The following KSR2 variants were observed in gnomAD, a reference collection of about 807,000 sequenced individuals.
KSR2 encodes the protein kinase suppressor of ras 2.
A neutral mutation model predicts 107.8 loss-of-function variants in KSR2; 25 were observed. The observed-to-expected ratio is 0.23, with a 90% CI of 0.17 to 0.32. KSR2 has a LOEUF of 0.32. Ranked by LOEUF, KSR2 falls within the 10% of genes least tolerant of loss-of-function variation. The probability of loss-of-function intolerance (pLI) is 1.00; values close to 1 mark genes in which losing one functional copy is unlikely to be tolerated. For missense variants in KSR2, 887 were observed against 1,268.9 expected, an observed-to-expected ratio of 0.70 and a Z score of 4.57; for synonymous variants, 480 against 507.0, an observed-to-expected ratio of 0.95 and a Z score of 0.71.
In KSR2 at chr12:117,527,950, AGTGTGTGTGTGTGT is replaced by A. The variant is rs10664320; in HGVS notation, c.1803-845_1803-832del. 4.6e-3 allele frequency among the ~76,000 whole-genome samples: 653 copies of A among 142,702 alleles called. 8 individuals carry two copies. The highest frequency in any genetic ancestry group is 9.1e-3 in the East Asian group (42 of 4,610). The allele number at this position is 142,702 out of a possible 152,430, so 93.6% of individuals were successfully genotyped here. On this transcript the variant is annotated intron_variant, in intron 12 of 19. Transcript: ENST00000339824. Reference sequence around the variant, plus strand: ...AGACCATATTGAGCTGGAAGACACAAGTGTGTGTGTGTGTGTGTGTGTGTGTGTGTGTGTGTGTG... The same window carrying A: ...AGACCATATTGAGCTGGAAGACACAAGTGTGTGTGTGTGTGTGTGTGTGTG...
intron 3 of KSR2, among the ~76,000 whole-genome samples, chr12:117,794,387 GCA>G (rs578041855): frequency 0.028 from 925 of 32,520 alleles, 177 homozygotes; most frequent in Middle Eastern, 0.12. Context: ...ACACCAACAT[GCA>G]CACTCACACC....
intron 1 of KSR2, among the ~76,000 whole-genome samples, chr12:117,961,514 G>A (rs1896655097): frequency 4.6e-5 from 7 of 152,174 alleles, no homozygotes; most frequent in Admixed American, 3.3e-4. Flanking sequence ...TCCAGTGGAA[G>A]TAACATCCTG....
At chr12:117,666,325 T>A (rs1593109040) in intron 5 of KSR2, among the ~76,000 whole-genome samples, 1 of 152,214 alleles carries the variant, frequency 6.6e-6, no homozygotes, top group East Asian at 1.9e-4. Context: ...AATTAATAGA[T>A]CTTGTCAAAT....
In KSR2 at chr12:117,555,150, A is replaced by AG. The variant is rs1877577628; in HGVS notation, c.1518+18dup. 1 of 1,613,446 alleles carries AG rather than the reference A, an allele frequency of 6.2e-7. No individual in the cohort carries two copies. Among genetic ancestry groups the AG allele is most frequent in the Admixed American group, 1.7e-5 (1 of 59,992 alleles). Reference sequence around the variant, plus strand: ...GTGCCAGCCCCACATGCCGAGACCCAGGGGAAGCCCAGCCTTACCTTGTTG... The same window carrying AG: ...GTGCCAGCCCCACATGCCGAGACCCAGGGGGAAGCCCAGCCTTACCTTGTTG... On this transcript the variant is annotated intron_variant, in intron 9 of 19. Coordinates refer to ENST00000339824, the MANE Select transcript of KSR2 (RefSeq NM_173598.6).
intron 5 of KSR2, among the ~76,000 whole-genome samples, chr12:117,616,040 G>A (rs945167208): frequency 9.9e-5 from 15 of 151,822 alleles, no homozygotes; most frequent in African/African-American, 3.6e-4. Context: ...CATAGTCCCA[G>A]ATACTTGGGG....
chr12:117,517,263 C>T (rs1268607229), intron 14 of KSR2, among the ~76,000 whole-genome samples: 4 of 152,186 alleles, frequency 2.6e-5, no homozygotes, highest in Non-Finnish European at 5.9e-5. Context: ...CTACCATTAC[C>T]CTGACCAATA....
chr12:117,579,253 CTA>C, intron 6 of KSR2, 51 bp from the exon 7 acceptor site: 1 of 1,305,922 alleles, frequency 7.7e-7, no homozygotes. Context: ...GGCGACTGAC[CTA>C]TCTCTAGAGG....
intron 4 of KSR2, among the ~76,000 whole-genome samples, chr12:117,716,680 A>G (rs969267183): frequency 2.0e-5 from 3 of 152,184 alleles, no homozygotes; most frequent in African/African-American, 7.2e-5. Context: ...CCTATATTCT[A>G]TTCCCAGACT....
At chr12:117,630,032 G>A (rs1233965782) in intron 5 of KSR2, among the ~76,000 whole-genome samples, 1 of 152,192 alleles carries the variant, frequency 6.6e-6, no homozygotes, top group African/African-American at 2.4e-5. Context: ...AGTGGGTCAT[G>A]GGAGTGCTCA....
intron 7 of KSR2, among the ~76,000 whole-genome samples, chr12:117,573,153 A>G (rs571763357): frequency 6.6e-6 from 1 of 152,318 alleles, no homozygotes; most frequent in African/African-American, 2.4e-5. Context: ...ACAGCTAATG[A>G]TAATTCCGGA....
intron 7 of KSR2, among the ~76,000 whole-genome samples, chr12:117,571,321 AG>A (rs1190981969): frequency 1.3e-5 from 2 of 152,178 alleles, no homozygotes; most frequent in Non-Finnish European, 2.9e-5. Context: ...GGGAGAAGCC[AG>A]GCATGGATGT....
intron 3 of KSR2, among the ~76,000 whole-genome samples, chr12:117,844,325 T>G (rs1297484181): frequency 6.6e-6 from 1 of 152,012 alleles, no homozygotes; most frequent in East Asian, 1.9e-4. Context: ...ACCACCCAGC[T>G]GAGCCCAGCC....
intron 14 of KSR2, among the ~76,000 whole-genome samples, chr12:117,496,722 C>T (rs916511880): frequency 6.6e-6 from 1 of 152,078 alleles, no homozygotes; most frequent in Non-Finnish European, 1.5e-5. Flanking sequence ...AAAGTGAAAT[C>T]CTAGTTTGGC....
At chr12:117,861,772 T>C (rs1893306363) in intron 1 of KSR2, among the ~76,000 whole-genome samples, 2 of 152,184 alleles carry the variant, frequency 1.3e-5, no homozygotes, top group African/African-American at 4.8e-5. Context: ...TCTTTTGTGC[T>C]GTTTGAACTG....
At chr12:117,625,313 C>T (rs879250122) in intron 5 of KSR2, among the ~76,000 whole-genome samples, 1 of 152,164 alleles carries the variant, frequency 6.6e-6, no homozygotes, top group Non-Finnish European at 1.5e-5. Flanking sequence ...AGTTTTTGCC[C>T]ACTCAGTATG....
intron 1 of KSR2, among the ~76,000 whole-genome samples, chr12:117,916,604 C>A (rs1895182450): frequency 6.6e-6 from 1 of 152,104 alleles, no homozygotes; most frequent in Middle Eastern, 3.2e-3. Flanking sequence ...TAATCACTGC[C>A]TAATCAGAGT....
At chr12:117,770,696 C>T (rs1333446833) in intron 3 of KSR2, among the ~76,000 whole-genome samples, 1 of 151,656 alleles carries the variant, frequency 6.6e-6, no homozygotes, top group African/African-American at 2.4e-5. Context: ...CGGTCGGGCG[C>T]GGTGACTCAC....
intron 14 of KSR2, among the ~76,000 whole-genome samples, chr12:117,502,016 T>C (rs774503765): frequency 7.9e-5 from 12 of 152,232 alleles, no homozygotes; most frequent in Admixed American, 2.6e-4. Flanking sequence ...AAAACGGCCA[T>C]TGGGAGGAAA....
chr12:117,965,343 G>T (rs1405434266), intron 1 of KSR2, among the ~76,000 whole-genome samples: 1 of 152,206 alleles, frequency 6.6e-6, no homozygotes, highest in Admixed American at 6.5e-5. Flanking sequence ...TACATGAAGA[G>T]AAACCATTAT....
Sources: allele counts gnomAD v4.1 joint callset (sites outside exome capture counted in the v4.1 genomes callset), GRCh38; gene constraint gnomAD v4.1.1; transcripts MANE v1.5; gene names NCBI Gene and HGNC (gene_info 2026-07-23, HGNC 2026-07-21).